Variants in KCNIP4 observed in about 807,000 individuals in gnomAD.
The protein encoded by KCNIP4 is potassium voltage-gated channel interacting protein 4.
Under a neutral mutation model 34.0 loss-of-function variants are expected in KCNIP4, and 12 were observed. The observed-to-expected ratio is 0.35, with a 90% confidence interval of 0.23 to 0.57. The LOEUF (loss-of-function observed/expected upper bound fraction) is 0.57. KCNIP4 is among the 20% of genes least tolerant of loss of function. The probability of loss-of-function intolerance (pLI) is 0.83; values close to 1 mark genes in which losing one functional copy is unlikely to be tolerated. For missense variants in KCNIP4, 238 were observed against 311.7 expected (o/e 0.76, Z 1.78); for synonymous variants, 124 against 102.2 (o/e 1.21, Z -1.29).
intron 1 of KCNIP4, among the ~76,000 whole-genome samples, chr4:21,099,550 C>A (rs1183462485): frequency 6.6e-6 from 1 of 152,050 alleles, no homozygotes; most frequent in Admixed American, 6.6e-5. Context: ...GTGCAGCAAA[C>A]CAACATGGCA....
chr4:20,931,344 T>G (rs192618571), intron 1 of KCNIP4, among the ~76,000 whole-genome samples: 1 of 152,128 alleles, frequency 6.6e-6, no homozygotes, highest in Non-Finnish European at 1.5e-5. Flanking sequence ...AATAGAGTCA[T>G]GTATCATTTA....
intron 1 of KCNIP4, among the ~76,000 whole-genome samples, chr4:21,459,473 G>T (rs1054020289): frequency 1.3e-4 from 20 of 151,934 alleles, no homozygotes; most frequent in African/African-American, 4.1e-4. Context: ...CAGTTTGTCT[G>T]CACTCACACT....
chr4:21,894,026 A>AT (rs1553943788), intron 1 of KCNIP4, among the ~76,000 whole-genome samples: 2 of 151,684 alleles, frequency 1.3e-5, no homozygotes, highest in African/African-American at 2.4e-5. Context: ...CACATACTGA[A>AT]TTTTTTTTTA....
chr4:20,888,518 G>A (rs970409172), intron 1 of KCNIP4, among the ~76,000 whole-genome samples: 1 of 152,116 alleles, frequency 6.6e-6, no homozygotes, highest in Admixed American at 6.5e-5. Flanking sequence ...GACAGAATGA[G>A]GAGGTGGGAC....
intron 1 of KCNIP4, among the ~76,000 whole-genome samples, chr4:21,170,676 T>C (rs538445374): frequency 6.6e-5 from 10 of 152,206 alleles, no homozygotes; most frequent in East Asian, 1.9e-4. Context: ...CACAGTCATA[T>C]GTATTTTAAG....
chr4:20,741,363 C>G (rs144035373), intron 5 of KCNIP4, among the ~76,000 whole-genome samples: 12 of 152,202 alleles, frequency 7.9e-5, no homozygotes, highest in Non-Finnish European at 7.3e-5. Context: ...GAAATTATAA[C>G]AAACTGTCTC....
At chr4:21,287,848 A>T (rs554200874) in intron 1 of KCNIP4, among the ~76,000 whole-genome samples, 176 of 152,272 alleles carry the variant, frequency 1.2e-3, no homozygotes, top group African/African-American at 3.7e-3. Context: ...AAATCAAAAA[A>T]ATATATATAT....
intron 1 of KCNIP4, among the ~76,000 whole-genome samples, chr4:21,410,936 G>T (rs1724442616): frequency 6.6e-6 from 1 of 152,160 alleles, no homozygotes; most frequent in African/African-American, 2.4e-5. Flanking sequence ...ATGGCCCACA[G>T]ACAGACAACA....
intron 1 of KCNIP4, among the ~76,000 whole-genome samples, chr4:21,225,843 C>G (rs927321432): frequency 1.3e-5 from 2 of 152,146 alleles, no homozygotes; most frequent in African/African-American, 4.8e-5. Context: ...GCTTAGTCAA[C>G]TTGCCAACGG....
chr4:21,432,091 CATATATATATATATATATATAT>C (rs71655634), intron 1 of KCNIP4, among the ~76,000 whole-genome samples: 715 of 36,422 alleles, frequency 0.02, 62 homozygotes, highest in African/African-American at 0.048. Flanking sequence ...AAAATGGAAG[CATATATATATATATATATATAT>C]ATATATATAT....
intron 1 of KCNIP4, among the ~76,000 whole-genome samples, chr4:21,026,151 G>A (rs889522265): frequency 6.6e-6 from 1 of 152,126 alleles, no homozygotes; most frequent in Non-Finnish European, 1.5e-5. Flanking sequence ...GGTCAGATTT[G>A]ACCAATGGGA....
At chr4:21,088,649 T>A (rs1162515584) in intron 1 of KCNIP4, among the ~76,000 whole-genome samples, 1 of 152,158 alleles carries the variant, frequency 6.6e-6, no homozygotes, top group Non-Finnish European at 1.5e-5. Context: ...AAATGTGCCA[T>A]GAAACAGGCC....
At chr4:20,968,413 G>C (rs973653177) in intron 1 of KCNIP4, among the ~76,000 whole-genome samples, 2 of 151,992 alleles carry the variant, frequency 1.3e-5, no homozygotes, top group Admixed American at 6.6e-5. Flanking sequence ...TTGACCCAAC[G>C]ATCCCATTAC....
In KCNIP4 at chr4:21,217,351, A is replaced by G. The variant is rs368286073; in HGVS notation, c.62-334642T>C. Among the ~76,000 whole-genome samples the G allele has an allele frequency of 7.2e-5, 11 of 152,308 alleles. No individual in the cohort carries two copies. In the East Asian group the frequency reaches 1.5e-3, roughly 21 times the overall value. On this transcript the variant is annotated intron_variant, in intron 1 of 8. Coordinates refer to ENST00000382152, the MANE Select transcript of KCNIP4 (RefSeq NM_025221.6). ...GTACAACAATCTCAAAGAAGTCTAC[A>G]TGGTCGTTTTTGATGAGGGATTGGT...
chr4:21,286,366 G>C (rs966162006), intron 1 of KCNIP4, among the ~76,000 whole-genome samples: 1 of 152,136 alleles, frequency 6.6e-6, no homozygotes, highest in East Asian at 1.9e-4. Flanking sequence ...GGCCAAACAT[G>C]TTATATAGTA....
intron 1 of KCNIP4, among the ~76,000 whole-genome samples, chr4:21,311,974 AGTCTT>A (rs1713234693): frequency 1.3e-5 from 2 of 152,178 alleles, no homozygotes; most frequent in African/African-American, 4.8e-5. Flanking sequence ...AGACTAGTCT[AGTCTT>A]ATTTGGTCTA....
intron 1 of KCNIP4, among the ~76,000 whole-genome samples, chr4:21,942,571 T>C (rs1730260219): frequency 6.6e-6 from 1 of 152,214 alleles, no homozygotes; most frequent in Non-Finnish European, 1.5e-5. Context: ...TATCTTGATG[T>C]CATGTACTGT....
At chr4:21,786,069 C>T (rs542024146) in intron 1 of KCNIP4, among the ~76,000 whole-genome samples, 44 of 152,332 alleles carry the variant, frequency 2.9e-4, no homozygotes, top group African/African-American at 1.0e-3. Flanking sequence ...CTGCCTCAGC[C>T]ACCCGTGTAG....
In KCNIP4 at chr4:21,867,278, T is replaced by C. The variant is rs143270233; in HGVS notation, c.61+81293A>G. 2.6e-5 allele frequency among the ~76,000 whole-genome samples: 4 copies of C among 152,324 alleles called. No homozygotes were observed. The East Asian group carries it at 7.7e-4, about 29-fold the overall frequency. ...TGCAACAATTTGAAGGAAAGGTTCA[T>C]TTAAGTAAATCACCCAATGTAGAAG... On this transcript the variant is annotated intron_variant, in intron 1 of 8. Coordinates refer to ENST00000382152, the MANE Select transcript of KCNIP4 (RefSeq NM_025221.6).
Sources: gnomAD v4.1 joint callset for allele counts (sites outside exome capture counted in the v4.1 genomes callset) on GRCh38, gnomAD v4.1.1 for gene constraint, MANE v1.5 for transcripts, NCBI Gene and HGNC (gene_info 2026-07-23, HGNC 2026-07-21) for gene names.